The following EEF1G variants were observed in gnomAD, a reference collection of about 807,000 sequenced individuals.
The protein encoded by EEF1G is eukaryotic translation elongation factor 1 gamma.
A neutral mutation model predicts 58.3 loss-of-function variants in EEF1G; 14 were observed. That is an observed-to-expected ratio of 0.24 (90% CI 0.16 to 0.38). The LOEUF (loss-of-function observed/expected upper bound fraction) is 0.38, where lower values mean the gene tolerates loss of function less well. Among genes scored for constraint, EEF1G ranks in the 10% least tolerant of loss-of-function variants. The pLI is 1.00. For missense variants in EEF1G, 322 were observed against 550.1 expected (o/e 0.59, Z 4.15); for synonymous variants, 180 against 206.8 (o/e 0.87, Z 1.11).
rs748159730 is a variant in EEF1G at position 62,571,131 on chromosome 11, C to T, written c.379-23G>A. On this transcript the variant is annotated intron_variant, in intron 4 of 9. Transcript: ENST00000329251. ...GGCCTAGTGATTCAACATGATAAAA[C>T]TCATCAGTGGGTACCAATCCCTTTC... The T allele has an allele frequency of 8.1e-6, 13 of 1,613,690 alleles. No individual in the cohort carries two copies. In the East Asian group the frequency reaches 2.4e-4, roughly 30 times the overall value.
intron 5 of EEF1G, among the ~76,000 whole-genome samples, chr11:62,568,527 C>T (rs960494329): frequency 6.6e-6 from 1 of 152,022 alleles, no homozygotes; most frequent in African/African-American, 2.4e-5. Context: ...AGCCACCACA[C>T]CTGGCCTCCA....
At position 62,567,460 on chromosome 11, in the gene EEF1G, C is replaced by T; in HGVS notation, c.591G>A (p.Gln197=). ...TNRWFLTCIN[Q]PQFRAVLGEV... ...CGCCCAAGACAGCCCGGAACTGGGG[C>T]TGGTTAATGCAGGTGAGGAACCAGC... Residue 197 remains glutamine, a synonymous_variant, in exon 6 of 10, where the codon CAG becomes CAA. Coordinates refer to ENST00000329251, the MANE Select transcript of EEF1G (RefSeq NM_001404.5). 1 of 1,612,520 alleles carries T rather than the reference C, an allele frequency of 6.2e-7. No individual in the cohort carries two copies. The highest frequency in any genetic ancestry group is 8.5e-7 in the Non-Finnish European group (1 of 1,179,272).
At chr11:62,569,530 G>T (rs1187795705) in intron 5 of EEF1G, among the ~76,000 whole-genome samples, 1 of 152,160 alleles carries the variant, frequency 6.6e-6, no homozygotes, top group Non-Finnish European at 1.5e-5. Context: ...CTTAGTGTCT[G>T]GTGTATTAAG....
Position 62,568,711 on chromosome 11 carries a change from G to A in EEF1G, c.523-1183C>T, listed in dbSNP as rs182177847. ...ACGTCGGCCAGGAGCGGTGGCTCACGCCTATAATCCCAGCACTTTGGGAGG... is the reference window on the plus strand; with the variant it reads ...ACGTCGGCCAGGAGCGGTGGCTCACACCTATAATCCCAGCACTTTGGGAGG... On this transcript the variant is annotated intron_variant, in intron 5 of 9. Transcript: ENST00000329251. Among the ~76,000 whole-genome samples, 536 of 152,042 alleles carry A rather than the reference G, an allele frequency of 3.5e-3. 7 individuals are homozygous for A. Among genetic ancestry groups the A allele is most frequent in the African/African-American group, 0.012 (494 of 41,492 alleles).
chr11:62,573,547 C>T, intron 1 of EEF1G: 2 of 564,348 alleles, frequency 3.5e-6, no homozygotes, highest in Non-Finnish European at 6.3e-6. Flanking sequence ...GATACCACGC[C>T]TCAAAGCGGC....
chr11:62,561,669 AAC>A (rs1287909891), intron 7 of EEF1G, among the ~76,000 whole-genome samples: 72 of 74,076 alleles, frequency 9.7e-4, no homozygotes, highest in African/African-American at 2.9e-3. Flanking sequence ...TCAAAAAAAA[AAC>A]AAAAAAAAAA....
At chr11:62,570,866 T>C in intron 5 of EEF1G, 99 bp downstream of exon 5, 2 of 1,535,856 alleles carry the variant, frequency 1.3e-6, no homozygotes, top group South Asian at 1.2e-5. Context: ...CTAGCTGTTT[T>C]CCAAGTCCTC....
chr11:62,571,901 C>G lies in EEF1G; in HGVS notation c.172G>C (p.Val58Leu). 1 of 1,575,444 alleles carries G rather than the reference C, an allele frequency of 6.3e-7. No homozygotes were observed. Among genetic ancestry groups the G allele is most frequent in the Non-Finnish European group, 8.6e-7 (1 of 1,160,244 alleles). Residue 58 changes from valine to leucine, a missense_variant and splice_region_variant, in exon 3 of 10, where the codon GTC becomes CTC. Coordinates refer to ENST00000329251, the MANE Select transcript of EEF1G (RefSeq NM_001404.5). Reference protein sequence around the residue: ...EFLRKFPAGKVPAFEGDDGFC... With the variant: ...EFLRKFPAGKLPAFEGDDGFC... The stretch of plus-strand genomic sequence containing the variant: ...CCATCATCACCCTCAAATGCTGGGA[C>G]CTGGGGACAAAGCAGTGAAAAGATA...
chr11:62,569,983 G>A (rs1941606523), intron 5 of EEF1G, among the ~76,000 whole-genome samples: 2 of 151,884 alleles, frequency 1.3e-5, no homozygotes, highest in Admixed American at 6.6e-5. Flanking sequence ...GAATTCACCC[G>A]CATATAACCC....
intron 1 of EEF1G, chr11:62,572,967 GACCT>G (rs1941653985): frequency 2.5e-6 from 1 of 405,176 alleles, no homozygotes; most frequent in South Asian, 5.7e-5. Flanking sequence ...TGACAGATTT[GACCT>G]TCCCTAAGGA....
chr11:62,560,217 C>T, intron 8 of EEF1G, 24 bp from the exon 9 acceptor site: 1 of 1,614,044 alleles, frequency 6.2e-7, no homozygotes, highest in Non-Finnish European at 8.5e-7. Context: ...GGAGAACATT[C>T]AGCCTTTGGA....
At position 62,571,435 on chromosome 11, in the gene EEF1G, C is replaced by T. The variant is rs1941629744; in HGVS notation, c.378+105G>A. ...AGAGATTACGTCTTCTCATTGCCTA[C>T]ATATCCTTGGCATCTTTTTTTCAAC... On this transcript the variant is annotated intron_variant, in intron 4 of 9. Transcript: ENST00000329251. 4 of 1,452,078 alleles carry T rather than the reference C, an allele frequency of 2.8e-6. No individual in the cohort carries two copies. The South Asian group carries it at 4.3e-5, about 16-fold the overall frequency. The allele number at this position is 1,452,078 out of a possible 1,614,324, so 89.9% of individuals were successfully genotyped here.
Position 62,560,489 on chromosome 11 carries a change from G to A in EEF1G, c.858-35C>T, listed in dbSNP as rs141388834. ...AGAAAGCACAGGGGTCAATCAATAA[G>A]GAGGAAGGTTGCCAGGCTAAGAGAA... On this transcript the variant is annotated intron_variant, in intron 7 of 9. Coordinates refer to ENST00000329251, the MANE Select transcript of EEF1G (RefSeq NM_001404.5). 1,172 of 1,597,692 alleles carry A rather than the reference G, an allele frequency of 7.3e-4. 37 individuals are homozygous for A. The East Asian group carries it at 0.026, about 36-fold the overall frequency.
At chr11:62,562,196 ACCT>A (rs2134290258) in intron 7 of EEF1G, among the ~76,000 whole-genome samples, 1 of 152,120 alleles carries the variant, frequency 6.6e-6, no homozygotes, top group Non-Finnish European at 1.5e-5. Context: ...GCATGTTTTT[ACCT>A]CTGTAAAATT....
intron 2 of EEF1G, among the ~76,000 whole-genome samples, 193 bp downstream of exon 2, chr11:62,572,389 TAA>T: frequency 6.6e-6 from 1 of 152,258 alleles, no homozygotes; most frequent in Admixed American, 6.5e-5. Flanking sequence ...GTGAATTTTA[TAA>T]AGTCACAGAA....
intron 7 of EEF1G, among the ~76,000 whole-genome samples, chr11:62,563,034 C>T (rs1239881184): frequency 1.3e-5 from 2 of 151,366 alleles, no homozygotes; most frequent in African/African-American, 4.9e-5. Flanking sequence ...TGCTTGAGTC[C>T]GGGAGGCAGA....
intron 7 of EEF1G, among the ~76,000 whole-genome samples, chr11:62,564,711 A>T (rs2134291958): frequency 7.5e-6 from 1 of 133,892 alleles, no homozygotes; most frequent in East Asian, 2.6e-4. Flanking sequence ...GTGAGCCAAG[A>T]TTGCACCACT....
chr11:62,564,661 C>A lies in EEF1G; in HGVS notation c.857+2145G>T, dbSNP rs182558454. 7.5e-3 allele frequency among the ~76,000 whole-genome samples: 1,079 copies of A among 144,750 alleles called. 7 individuals carry two copies. Among genetic ancestry groups the A allele is most frequent in the Middle Eastern group, 0.026 (7 of 274 alleles). 95.0% of individuals were successfully genotyped at this position (144,750 alleles called of 152,430 possible). A position where few individuals can be genotyped will look rare whatever the true frequency, so the allele number is the denominator to read the frequency against. On this transcript the variant is annotated intron_variant, in intron 7 of 9. Transcript: ENST00000329251. ...CCTGTAGTCCCAGCTACTCAAGAGGCTGAAGCAGAACTGCTTGAACCCGGC... is the reference window on the plus strand; with the variant it reads ...CCTGTAGTCCCAGCTACTCAAGAGGATGAAGCAGAACTGCTTGAACCCGGC...
chr11:62,568,954 C>G (rs991725357), intron 5 of EEF1G, among the ~76,000 whole-genome samples: 2 of 148,100 alleles, frequency 1.4e-5, no homozygotes, highest in African/African-American at 2.5e-5. Context: ...GCCTGGGGGA[C>G]AAGAGCGAGA....
Sources: gnomAD v4.1 joint callset for allele counts (sites outside exome capture counted in the v4.1 genomes callset) on GRCh38, gnomAD v4.1.1 for gene constraint, MANE v1.5 for transcripts, NCBI Gene and HGNC (gene_info 2026-07-23, HGNC 2026-07-21) for gene names.